Variants in KIRREL3 observed in about 807,000 individuals in gnomAD.
The protein encoded by KIRREL3 is kirre like nephrin family adhesion molecule 3.
In KIRREL3, 36 loss-of-function variants were observed where a neutral mutation model predicts 89.7. The ratio of observed to expected loss-of-function variants is 0.40; its 90% CI spans 0.31 to 0.53. KIRREL3 has a LOEUF of 0.53. KIRREL3 is among the 20% of genes least tolerant of loss of function. KIRREL3 has a pLI of 0.49. For synonymous variants in KIRREL3, 445 were observed against 441.4 expected, an observed-to-expected ratio of 1.01 and a Z score of -0.10; for missense variants, 864 against 1,056.6, an observed-to-expected ratio of 0.82 and a Z score of 2.53.
At chr11:126,937,598 T>C (rs1352062158) in intron 1 of KIRREL3, among the ~76,000 whole-genome samples, 1 of 152,112 alleles carries the variant, frequency 6.6e-6, no homozygotes, top group African/African-American at 2.4e-5. Flanking sequence ...ACAAGGATGA[T>C]GCCATAAAAA....
chr11:126,699,625 T>C (rs1199938957), intron 1 of KIRREL3, among the ~76,000 whole-genome samples: 1 of 152,204 alleles, frequency 6.6e-6, no homozygotes, highest in African/African-American at 2.4e-5. Flanking sequence ...GTCTTCAAAG[T>C]CTGGTATATA....
intron 1 of KIRREL3, among the ~76,000 whole-genome samples, chr11:126,602,590 T>C (rs1435264224): frequency 3.9e-5 from 6 of 152,282 alleles, no homozygotes; most frequent in Non-Finnish European, 7.4e-5. Context: ...CTGCCTCCCT[T>C]TGGCTTGAAC....
At position 126,576,631 on chromosome 11, in the gene KIRREL3, A is replaced by C. The variant is rs1223210971; in HGVS notation, c.56-13719T>G. ...CCCTCTCTCAGGCTGGCAGTGTGCC[A>C]CCCACCACAGCTTGGCCTTGCATGG... On this transcript the variant is annotated intron_variant, in intron 1 of 16. Coordinates refer to ENST00000525144, the MANE Select transcript of KIRREL3 (RefSeq NM_032531.4). The surrounding 1 kb of genome is among the most constrained non-coding windows in gnomAD (Gnocchi z 5.4). Among the ~76,000 whole-genome samples, 1 of 152,198 alleles carries C rather than the reference A, an allele frequency of 6.6e-6. No homozygotes were observed. The highest frequency in any genetic ancestry group is 1.5e-5 in the Non-Finnish European group (1 of 68,036).
chr11:126,691,673 A>G (rs568120679), intron 1 of KIRREL3, among the ~76,000 whole-genome samples: 34 of 152,352 alleles, frequency 2.2e-4, no homozygotes, highest in African/African-American at 7.7e-4. Context: ...TGAACATAAG[A>G]TTCGAGAAAG....
At chr11:126,936,708 A>C (rs750561243) in intron 1 of KIRREL3, 1 of 152,236 alleles carries the variant, frequency 6.6e-6, no homozygotes, top group East Asian at 1.9e-4. Flanking sequence ...GAAAAGACAA[A>C]TCTCTAGCAA....
intron 1 of KIRREL3, among the ~76,000 whole-genome samples, chr11:126,923,125 T>TCTCCTCCTCCTC (rs1314657305): frequency 2.2e-5 from 1 of 44,802 alleles, no homozygotes; most frequent in Non-Finnish European, 4.1e-5. Context: ...TCCTTCTCCT[T>TCTCCTCCTCCTC]CTTCTCTTCT....
intron 4 of KIRREL3, among the ~76,000 whole-genome samples, chr11:126,483,330 C>A (rs923672143): frequency 8.5e-5 from 13 of 152,252 alleles, no homozygotes; most frequent in Non-Finnish European, 1.8e-4. Flanking sequence ...TGAAAGCTCA[C>A]ATAAAACTTT....
At chr11:126,450,759 CTG>C (rs540173213) in intron 7 of KIRREL3, among the ~76,000 whole-genome samples, 187 of 128,338 alleles carry the variant, frequency 1.5e-3, no homozygotes, top group South Asian at 3.3e-3. Context: ...GCATGTATGA[CTG>C]TGTGCATGTG....
In KIRREL3 at chr11:126,431,593, A is replaced by C. The variant is rs2134150246; in HGVS notation, c.1589-67T>G. On this transcript the variant is annotated intron_variant, in intron 13 of 16. Coordinates refer to ENST00000525144, the MANE Select transcript of KIRREL3 (RefSeq NM_032531.4). This position sits in a 1 kb window ranked among gnomAD's most constrained non-coding sequence, Gnocchi z 7.1. ...TGGCCTACTATCCCCCCATGATCTCACCCCGTTCCTGCGGGGGCAGCCCCT... is the reference window on the plus strand; with the variant it reads ...TGGCCTACTATCCCCCCATGATCTCCCCCCGTTCCTGCGGGGGCAGCCCCT... 9.8e-4 allele frequency: 1,405 copies of C among 1,437,252 alleles called. No homozygotes were observed. The highest frequency in any genetic ancestry group is 1.2e-3 in the Non-Finnish European group (1,265 of 1,043,026). The allele number at this position is 1,437,252 out of a possible 1,614,324, so 89.0% of individuals were successfully genotyped here.
chr11:126,595,604 G>A (rs1384796736), intron 1 of KIRREL3, among the ~76,000 whole-genome samples: 1 of 152,222 alleles, frequency 6.6e-6, no homozygotes, highest in African/African-American at 2.4e-5. Context: ...GGACTCAGTG[G>A]CTATGACTCA....
At position 126,612,839 on chromosome 11, in the gene KIRREL3, A is replaced by G. The variant is rs1943190157; in HGVS notation, c.56-49927T>C. 6.6e-6 allele frequency among the ~76,000 whole-genome samples: 1 copy of G among 152,246 alleles called. No homozygotes were observed. Among genetic ancestry groups the G allele is most frequent in the Non-Finnish European group, 1.5e-5 (1 of 68,048 alleles). On this transcript the variant is annotated intron_variant, in intron 1 of 16. Transcript: ENST00000525144. The surrounding 1 kb of genome is among the most constrained non-coding windows in gnomAD (Gnocchi z 4.5). ...ACTTTATTCCTTTGTATGGGTGAGTAACATTCCATGGCATAGCTATAAGCG... is the reference window on the plus strand; with the variant it reads ...ACTTTATTCCTTTGTATGGGTGAGTGACATTCCATGGCATAGCTATAAGCG...
At chr11:126,848,455 CCCCGCTTATT>C (rs1254315683) in intron 1 of KIRREL3, among the ~76,000 whole-genome samples, 2 of 152,126 alleles carry the variant, frequency 1.3e-5, no homozygotes, top group Admixed American at 6.5e-5. Context: ...TGTAGGCTGA[CCCCGCTTATT>C]CCTGTAAACC....
intron 4 of KIRREL3, among the ~76,000 whole-genome samples, chr11:126,482,360 C>T (rs561321235): frequency 9.2e-5 from 14 of 152,198 alleles, no homozygotes; most frequent in Non-Finnish European, 1.9e-4. Flanking sequence ...TTTTGCTTTG[C>T]TAACTTGAAG....
intron 1 of KIRREL3, among the ~76,000 whole-genome samples, chr11:126,580,960 C>T (rs1374030895): frequency 6.6e-6 from 1 of 151,688 alleles, no homozygotes; most frequent in Non-Finnish European, 1.5e-5. Flanking sequence ...TGCAGATCCA[C>T]TGCCTATGGT....
intron 1 of KIRREL3, among the ~76,000 whole-genome samples, chr11:126,934,148 G>A (rs1450129189): frequency 6.6e-6 from 1 of 152,162 alleles, no homozygotes; most frequent in African/African-American, 2.4e-5. Flanking sequence ...GCAGAATTGA[G>A]AGCCCAGAAT....
Position 126,715,246 on chromosome 11 carries a change from C to G in KIRREL3, c.56-152334G>C, listed in dbSNP as rs1261053186. Among the ~76,000 whole-genome samples the G allele has an allele frequency of 6.6e-6, 1 of 152,168 alleles. No individual in the cohort carries two copies. The highest frequency in any genetic ancestry group is 6.5e-5 in the Admixed American group (1 of 15,286). ...ACAGTCTTGAGCTACTCAGGCTATC[C>G]CCATCTATTTTGTGGGGGAAGAAAA... is the stretch of plus-strand genomic sequence containing the variant. On this transcript the variant is annotated intron_variant, in intron 1 of 16. Transcript: ENST00000525144. The surrounding 1 kb of genome is among the most constrained non-coding windows in gnomAD (Gnocchi z 4.4).
At position 126,917,662 on chromosome 11, in the gene KIRREL3, A is replaced by G. The variant is rs898657812; in HGVS notation, c.55+82793T>C. On this transcript the variant is annotated intron_variant, in intron 1 of 16. Transcript: ENST00000525144. This position sits in a 1 kb window ranked among gnomAD's most constrained non-coding sequence, Gnocchi z 5.0. The stretch of plus-strand genomic sequence containing the variant: ...AGTATGAGTTGCTTCCACTCATACT[A>G]GAAACCATATATGTATACCACATAC... Among the ~76,000 whole-genome samples, 2 of 152,150 alleles carry G rather than the reference A, an allele frequency of 1.3e-5. No individual in the cohort carries two copies. Among genetic ancestry groups the G allele is most frequent in the African/African-American group, 4.8e-5 (2 of 41,428 alleles).
Position 126,608,413 on chromosome 11 carries a change from T to A in KIRREL3, c.56-45501A>T, listed in dbSNP as rs479139. Among the ~76,000 whole-genome samples the A allele has an allele frequency of 0.27, 40,535 of 152,126 alleles. 5,927 individuals carry two copies. Among genetic ancestry groups the A allele is most frequent in the South Asian group, 0.45 (2,184 of 4,814 alleles). On this transcript the variant is annotated intron_variant, in intron 1 of 16. Coordinates refer to ENST00000525144, the MANE Select transcript of KIRREL3 (RefSeq NM_032531.4). This position sits in a 1 kb window ranked among gnomAD's most constrained non-coding sequence, Gnocchi z 4.9. ...AATTAAGCTGCCTAAGATCACCTCA[T>A]TAAATTCACTAACCTTGCTTTTCCA...
chr11:126,540,509 C>T (rs921176253), intron 2 of KIRREL3, among the ~76,000 whole-genome samples: 5 of 152,112 alleles, frequency 3.3e-5, no homozygotes, highest in South Asian at 4.1e-4. Context: ...TCGGGCTGGC[C>T]GAGGCAGGGT....
Sources: allele counts gnomAD v4.1 joint callset (sites outside exome capture counted in the v4.1 genomes callset), GRCh38; gene constraint gnomAD v4.1.1; non-coding constraint Gnocchi (gnomAD v3.1); transcripts MANE v1.5; gene names NCBI Gene and HGNC (gene_info 2026-07-23, HGNC 2026-07-21).